USH2A: variants seen among roughly 807,000 people sequenced by gnomAD.
USH2A encodes usherin.
In USH2A, 443 loss-of-function variants were observed where a neutral mutation model predicts 538.9. The ratio of observed to expected loss-of-function variants is 0.82; its 90% CI spans 0.76 to 0.89. The LOEUF is 0.89. USH2A is among the 40% of genes least tolerant of loss of function. USH2A has a pLI of 0.00. For synonymous variants in USH2A, 2,413 were observed against 2,273.5 expected, an observed-to-expected ratio of 1.06 and a Z score of -1.75; for missense variants, 6,633 against 6,324.8, an observed-to-expected ratio of 1.05 and a Z score of -1.65.
At chr1:215,741,217 TACAA>T (rs763078780) in intron 60 of USH2A, among the ~76,000 whole-genome samples, 154 bp downstream of exon 60, 6 of 152,110 alleles carry the variant, frequency 3.9e-5, no homozygotes, top group Admixed American at 6.6e-5. Flanking sequence ...TGGTAGGTGC[TACAA>T]ACAAACAAAC....
chr1:215,907,604 G>C (rs1041339198), intron 38 of USH2A, among the ~76,000 whole-genome samples: 4 of 151,982 alleles, frequency 2.6e-5, no homozygotes, highest in African/African-American at 9.7e-5. Flanking sequence ...ACTTCACTGA[G>C]CATCTTAATT....
chr1:216,235,575 G>T (rs1303151556), intron 13 of USH2A, among the ~76,000 whole-genome samples: 2 of 152,174 alleles, frequency 1.3e-5, no homozygotes, highest in Non-Finnish European at 2.9e-5. Context: ...CCTAGGAGAA[G>T]AATCTACAGA....
intron 4 of USH2A, among the ~76,000 whole-genome samples, chr1:216,359,302 G>T (rs1003957642): frequency 6.6e-6 from 1 of 152,078 alleles, no homozygotes; most frequent in East Asian, 1.9e-4. Flanking sequence ...GATGTTCAAA[G>T]AGTTTAAAAA....
chr1:215,804,225 C>G (rs1006482934), intron 49 of USH2A, among the ~76,000 whole-genome samples: 4 of 151,926 alleles, frequency 2.6e-5, no homozygotes, highest in Non-Finnish European at 5.9e-5. Flanking sequence ...TAGGCATGGG[C>G]AAGGACTTCA....
At chr1:215,732,537 T>C (rs943660028) in intron 60 of USH2A, among the ~76,000 whole-genome samples, 1 of 120,444 alleles carries the variant, frequency 8.3e-6, no homozygotes, top group Non-Finnish European at 1.8e-5. Context: ...ATTCTCCTTT[T>C]TTCTTTCTTT....
intron 37 of USH2A, among the ~76,000 whole-genome samples, chr1:215,938,875 C>T (rs1666568442): frequency 6.6e-6 from 1 of 152,042 alleles, no homozygotes; most frequent in Non-Finnish European, 1.5e-5. Flanking sequence ...CTTGGGGTTA[C>T]CTCATAAACA....
In USH2A at chr1:216,199,881, C is replaced by T. The variant is rs1356693073; in HGVS notation, c.3557G>A (p.Cys1186Tyr). 6.2e-7 allele frequency: 1 copy of T among 1,614,102 alleles called. No homozygotes were observed. The highest frequency in any genetic ancestry group is 8.5e-7 in the Non-Finnish European group (1 of 1,180,006). Reference sequence around the variant, plus strand: ...TGGCTGACCACCAGCCAAAGGGGCACAGGACAAAATATATTTCTCTATGGG... The same window carrying T: ...TGGCTGACCACCAGCCAAAGGGGCATAGGACAAAATATATTTCTCTATGGG... The part of the protein sequence containing the change: ...SGPIEKYILS[C>Y]APLAGGQPCV... Residue 1186 changes from cysteine (C) to tyrosine (Y), a missense_variant, in exon 17 of 72, where the codon TGT becomes TAT. Transcript: ENST00000307340.
At chr1:216,305,685 G>C (rs1008395080) in intron 9 of USH2A, among the ~76,000 whole-genome samples, 1 of 152,060 alleles carries the variant, frequency 6.6e-6, no homozygotes, top group Non-Finnish European at 1.5e-5. Context: ...GCTTTTAGCA[G>C]TTCTTGTAGT....
In USH2A at chr1:216,323,688, G is replaced by A. The variant is rs755408175; in HGVS notation, c.1336C>T (p.Pro446Ser). The change falls in exon 8 of 72, where the codon CCA (proline) becomes TCA (serine). Residue 446 changes from proline (P) to serine (S), a missense_variant. Pro to Ser is a moderately conservative substitution (Grantham distance 74). Transcript: ENST00000307340. ...AATGTGACATTGCCACGGGAATATG[G>A]AGTAAAACTGTTAATGAAAGAAATT... Reference protein sequence around the residue: ...VNCLQLSNFTPYSRGNVTFSI... With the variant: ...VNCLQLSNFTSYSRGNVTFSI... 8 of 1,613,194 alleles carry A rather than the reference G, an allele frequency of 5.0e-6. No homozygotes were observed. The Admixed American group carries it at 1.2e-4, about 24-fold the overall frequency.
At chr1:215,956,806 C>A (rs551137124) in intron 37 of USH2A, among the ~76,000 whole-genome samples, 6 of 152,222 alleles carry the variant, frequency 3.9e-5, no homozygotes, top group African/African-American at 1.4e-4. Flanking sequence ...AGGTCTTAAA[C>A]AAGTTTGATA....
intron 11 of USH2A, among the ~76,000 whole-genome samples, chr1:216,270,724 T>G (rs1436415928): frequency 1.4e-5 from 2 of 145,750 alleles, no homozygotes; most frequent in Non-Finnish European, 3.1e-5. Context: ...TTTTTTTTTT[T>G]TAAGAGACAG....
intron 58 of USH2A, among the ~76,000 whole-genome samples, chr1:215,747,319 C>T (rs533234520): frequency 6.6e-6 from 1 of 152,030 alleles, no homozygotes; most frequent in Non-Finnish European, 1.5e-5. Flanking sequence ...GATATCATAA[C>T]AAAAATTAAA....
chr1:216,383,866 CTT>C (rs57494312), intron 3 of USH2A, among the ~76,000 whole-genome samples: 7 of 134,886 alleles, frequency 5.2e-5, no homozygotes, highest in Admixed American at 7.4e-5. Flanking sequence ...TTCTTTCTTT[CTT>C]TTTTTTTTTT....
intron 4 of USH2A, among the ~76,000 whole-genome samples, chr1:216,336,003 A>C (rs2037967321): frequency 6.6e-6 from 1 of 151,576 alleles, no homozygotes; most frequent in Non-Finnish European, 1.5e-5. Context: ...TTATGAATAC[A>C]GATGCAAAAG....
Position 215,900,794 on chromosome 1 carries a change from A to C in USH2A, c.7412T>G (p.Leu2471Arg), listed in dbSNP as rs1290644032. Residue 2471 changes from leucine (L) to arginine (R), a missense_variant, in exon 39 of 72, where the codon CTC becomes CGC. By Grantham distance (102) the Leu-to-Arg change is moderately radical. Transcript: ENST00000307340. ...NNAPGSPRYQ[L>R]QMRSGDSTHG... ...GGTGGAGTCGCCAGACCTCATCTGG[A>C]GTTGGTATCTGGGAGAGCCAGGAGC... 6.2e-7 allele frequency: 1 copy of C among 1,613,748 alleles called. No individual in the cohort carries two copies. The highest frequency in any genetic ancestry group is 8.5e-7 in the Non-Finnish European group (1 of 1,179,764).
chr1:215,653,489 C>T (rs911212978), intron 64 of USH2A, among the ~76,000 whole-genome samples: 3 of 152,112 alleles, frequency 2.0e-5, no homozygotes, highest in Admixed American at 1.3e-4. Context: ...CAGGATCAAC[C>T]TATTTACATG....
intron 39 of USH2A, 102 bp downstream of exon 39, chr1:215,900,653 G>A: frequency 6.8e-7 from 1 of 1,472,580 alleles, no homozygotes; most frequent in Non-Finnish European, 9.4e-7. Context: ...CTTTTAAAAG[G>A]TAACCTATAT....
Position 216,285,244 on chromosome 1 carries a change from C to T in USH2A, c.1971+4036G>A, listed in dbSNP as rs138824340. On this transcript the variant is annotated intron_variant, in intron 11 of 71. Transcript: ENST00000307340. ...TGGTCCCATGGGCCCAGGGCCCCCC[C>T]ACTGTGTGCAGTCTAGGGACTTGGT... Among the ~76,000 whole-genome samples, 755 of 152,314 alleles carry T rather than the reference C, an allele frequency of 5.0e-3. 7 individuals are homozygous for T. The highest frequency in any genetic ancestry group is 0.018 in the African/African-American group (735 of 41,574).
intron 4 of USH2A, among the ~76,000 whole-genome samples, chr1:216,332,115 A>G (rs2037877092): frequency 6.6e-6 from 1 of 152,146 alleles, no homozygotes; most frequent in Non-Finnish European, 1.5e-5. Context: ...GAAAACCAGC[A>G]GCCTAGTTAC....
Sources: gnomAD v4.1 joint callset for allele counts (sites outside exome capture counted in the v4.1 genomes callset) on GRCh38, gnomAD v4.1.1 for gene constraint, MANE v1.5 for transcripts, NCBI Gene and HGNC (gene_info 2026-07-23, HGNC 2026-07-21) for gene names.